KIAA1549L: variants seen among roughly 807,000 people sequenced by gnomAD.
The protein encoded by KIAA1549L is KIAA1549 like, also known as UPF0606 protein KIAA1549L.
Under a neutral mutation model 160.7 loss-of-function variants are expected in KIAA1549L, and 88 were observed. That is an observed-to-expected ratio of 0.55 (90% CI 0.46 to 0.65). The LOEUF is 0.65. Among genes scored for constraint, KIAA1549L ranks in the 30% least tolerant of loss-of-function variants. The probability of loss-of-function intolerance (pLI) is 0.00; values close to 1 mark genes in which losing one functional copy is unlikely to be tolerated. For synonymous variants in KIAA1549L, 950 were observed against 976.7 expected (o/e 0.97, Z 0.51); for missense variants, 2,258 against 2,437.5 (o/e 0.93, Z 1.55).
At chr11:33,506,726 A>AG (rs1157044404) in intron 1 of KIAA1549L, among the ~76,000 whole-genome samples, 3 of 151,956 alleles carry the variant, frequency 2.0e-5, no homozygotes, top group Admixed American at 2.0e-4. Context: ...AAAAAAAAAA[A>AG]AAATTGAACA....
At chr11:33,504,565 T>G (rs1440545403) in intron 1 of KIAA1549L, among the ~76,000 whole-genome samples, 2 of 152,052 alleles carry the variant, frequency 1.3e-5, no homozygotes, top group Non-Finnish European at 2.9e-5. Context: ...CCTCCCAGGC[T>G]TAAGCGATTC....
intron 1 of KIAA1549L, among the ~76,000 whole-genome samples, chr11:33,530,602 G>A (rs2746549): frequency 6.6e-6 from 1 of 151,212 alleles, no homozygotes; most frequent in Admixed American, 6.6e-5. Context: ...GCCGGGAGAA[G>A]AAGAGAGAAG....
At chr11:33,398,890 A>G (rs1193039717) in intron 1 of KIAA1549L, among the ~76,000 whole-genome samples, 1 of 151,446 alleles carries the variant, frequency 6.6e-6, no homozygotes, top group Non-Finnish European at 1.5e-5. Flanking sequence ...CTTAATAATC[A>G]GTTATAGTCT....
intron 1 of KIAA1549L, among the ~76,000 whole-genome samples, chr11:33,407,927 C>G (rs1324325114): frequency 6.6e-6 from 1 of 152,182 alleles, no homozygotes; most frequent in Non-Finnish European, 1.5e-5. Context: ...CTTGAGCTTT[C>G]TTTAGTCAAC....
chr11:33,434,504 G>A (rs143433464), intron 1 of KIAA1549L, among the ~76,000 whole-genome samples: 57 of 152,260 alleles, frequency 3.7e-4, no homozygotes, highest in African/African-American at 1.2e-3. Context: ...TAAACCATGT[G>A]GACATATGTC....
At chr11:33,547,991 A>G in intron 4 of KIAA1549L, 112 bp downstream of exon 4, 1 of 698,376 alleles carries the variant, frequency 1.4e-6, no homozygotes, top group Admixed American at 2.6e-5. Flanking sequence ...ACTGGCCAGA[A>G]GTAGAATCTG....
intron 10 of KIAA1549L, among the ~76,000 whole-genome samples, chr11:33,577,481 ATG>A (rs1855489080): frequency 6.6e-6 from 1 of 152,220 alleles, no homozygotes; most frequent in East Asian, 1.9e-4. Context: ...CTGTCAATGA[ATG>A]AGGCAATGGG....
At chr11:33,535,358 C>T (rs1426972497) in intron 1 of KIAA1549L, among the ~76,000 whole-genome samples, 1 of 152,084 alleles carries the variant, frequency 6.6e-6, no homozygotes, top group Non-Finnish European at 1.5e-5. Context: ...TACATCCCAT[C>T]TCCTATTCTG....
At chr11:33,593,833 T>C (rs566477082) in intron 12 of KIAA1549L, among the ~76,000 whole-genome samples, 1 of 152,216 alleles carries the variant, frequency 6.6e-6, no homozygotes, top group African/African-American at 2.4e-5. Context: ...GTCTGGAGTT[T>C]AGAGGAGTGG....
At chr11:33,515,823 T>C (rs997888827) in intron 1 of KIAA1549L, among the ~76,000 whole-genome samples, 1 of 152,178 alleles carries the variant, frequency 6.6e-6, no homozygotes, top group Non-Finnish European at 1.5e-5. Flanking sequence ...ACGTGATGCA[T>C]CTGTTGGTAG....
Position 33,411,613 on chromosome 11 carries a change from G to T in KIAA1549L, c.238+34724G>T, listed in dbSNP as rs543362869. ...TTCAGCTTTTCGTTTTTGTTTTGCT[G>T]ATTTGTGAAATTCAAATGGCAGGGA... On this transcript the variant is annotated intron_variant, in intron 1 of 20. Transcript: ENST00000658780. Among the ~76,000 whole-genome samples, 107 of 152,326 alleles carry T rather than the reference G, an allele frequency of 7.0e-4. No individual in the cohort carries two copies. In the South Asian group the frequency reaches 0.011, roughly 15 times the overall value.
chr11:33,520,345 G>C (rs1853452408), intron 1 of KIAA1549L, among the ~76,000 whole-genome samples: 1 of 151,922 alleles, frequency 6.6e-6, no homozygotes, highest in Admixed American at 6.6e-5. Flanking sequence ...CTGTGAGTTT[G>C]GCTATGTTAG....
intron 17 of KIAA1549L, among the ~76,000 whole-genome samples, chr11:33,650,506 A>G (rs1342162769): frequency 1.3e-5 from 2 of 151,954 alleles, no homozygotes; most frequent in Non-Finnish European, 2.9e-5. Flanking sequence ...GGGTAGGGGG[A>G]AGGCTGCAGT....
chr11:33,563,737 T>A (rs968296477), intron 8 of KIAA1549L, among the ~76,000 whole-genome samples: 5 of 152,176 alleles, frequency 3.3e-5, no homozygotes, highest in Non-Finnish European at 7.4e-5. Context: ...CAGCAACACA[T>A]TTTTGGAGCT....
intron 1 of KIAA1549L, among the ~76,000 whole-genome samples, chr11:33,425,051 A>G (rs2134110387): frequency 1.3e-5 from 2 of 152,296 alleles, no homozygotes; most frequent in South Asian, 4.1e-4. Flanking sequence ...TAAAACCTTG[A>G]TTTTGATTCC....
intron 6 of KIAA1549L, among the ~76,000 whole-genome samples, chr11:33,553,102 T>C (rs1044822421): frequency 3.9e-5 from 6 of 152,302 alleles, no homozygotes; most frequent in East Asian, 1.9e-4. Flanking sequence ...GCTGCTTTTA[T>C]TGGGGGACAG....
At chr11:33,549,161 G>A (rs1265750001) in intron 4 of KIAA1549L, among the ~76,000 whole-genome samples, 1 of 150,486 alleles carries the variant, frequency 6.6e-6, no homozygotes, top group Non-Finnish European at 1.5e-5. Flanking sequence ...TTTTTTTTAT[G>A]GATTCTGTTT....
chr11:33,514,698 A>G (rs1853304924), intron 1 of KIAA1549L, among the ~76,000 whole-genome samples: 1 of 152,046 alleles, frequency 6.6e-6, no homozygotes, highest in Non-Finnish European at 1.5e-5. Context: ...ACAGACACTG[A>G]TTTTTCCTGT....
intron 17 of KIAA1549L, among the ~76,000 whole-genome samples, chr11:33,649,275 A>T (rs935318959): frequency 1.4e-5 from 2 of 146,194 alleles, no homozygotes; most frequent in African/African-American, 5.1e-5. Context: ...GCACTTTGGG[A>T]GGCTCGCTTG....
Sources: allele counts gnomAD v4.1 joint callset (sites outside exome capture counted in the v4.1 genomes callset), GRCh38; gene constraint gnomAD v4.1.1; transcripts MANE v1.5; gene names NCBI Gene and HGNC (gene_info 2026-07-23, HGNC 2026-07-21).